Variants in CHD5 observed in about 807,000 individuals in gnomAD.
CHD5 encodes ATP-dependent chromatin remodeler CHD5.
CHD5 carries 69 observed loss-of-function variants against 230.3 expected under a neutral mutation model. The ratio of observed to expected loss-of-function variants is 0.30; its 90% CI spans 0.25 to 0.37. The LOEUF (loss-of-function observed/expected upper bound fraction) is 0.37. CHD5 is among the 10% of genes least tolerant of loss of function. The pLI is 1.00. For synonymous variants in CHD5, 1,064 were observed against 1,065.9 expected (o/e 1.00, Z 0.03); for missense variants, 1,827 against 2,622.8 (o/e 0.70, Z 6.63).
chr1:6,149,146 C>T, intron 8 of CHD5, 71 bp from the exon 9 acceptor site: 1 of 1,468,142 alleles, frequency 6.8e-7, no homozygotes, highest in Non-Finnish European at 9.1e-7. Flanking sequence ...TCCCTCCCTC[C>T]CCTACAGCAT....
rs112121125 is a variant in CHD5 at position 6,104,078 on chromosome 1, C to G, written c.*1396G>C. On this transcript the variant is annotated 3_prime_UTR_variant, in exon 42 of 42. Transcript: ENST00000262450. ...AAGGTCCCAGTACAAGACTCAGAAACGCCTTCCAGGTCGACCTGGGGCCAG... is the reference window on the plus strand; with the variant it reads ...AAGGTCCCAGTACAAGACTCAGAAAGGCCTTCCAGGTCGACCTGGGGCCAG... 6 of 152,154 alleles carry G rather than the reference C, an allele frequency of 3.9e-5. No individual in the cohort carries two copies. The highest frequency in any genetic ancestry group is 1.4e-4 in the African/African-American group (6 of 41,398). 9.4% of individuals were successfully genotyped at this position (152,154 alleles called of 1,614,324 possible).
Position 6,148,997 on chromosome 1 carries a change from C to G in CHD5, c.1240G>C (p.Asp414His), listed in dbSNP as rs751499625. 3 of 1,607,898 alleles carry G rather than the reference C, an allele frequency of 1.9e-6. No homozygotes were observed. In the South Asian group the frequency reaches 3.3e-5, roughly 18 times the overall value. The stretch of plus-strand genomic sequence containing the variant: ...CACACGCGGCAGAACTCCATGTGGT[C>G]GTCCTCCTCCTCCTCGCAGCCGCCC... ...EEGGCEEEED[D>H]HMEFCRVCKD... The change falls in exon 9 of 42, where the codon GAC (aspartate) becomes CAC (histidine). Residue 414 changes from aspartate to histidine, a missense_variant. Physicochemically the swap from Asp to His is moderately conservative, Grantham distance 81 (BLOSUM62 -1). This residue lies in a region of CHD5 where 657 missense variants were observed against 816.4 expected (regional missense o/e 0.80). Coordinates refer to ENST00000262450, the MANE Select transcript of CHD5 (RefSeq NM_015557.3).
intron 1 of CHD5, among the ~76,000 whole-genome samples, chr1:6,179,368 G>C (rs897004855): frequency 1.3e-5 from 2 of 152,266 alleles, no homozygotes; most frequent in South Asian, 4.1e-4. Context: ...GCAGGGGTCC[G>C]AGCCCGTGCG....
intron 34 of CHD5, among the ~76,000 whole-genome samples, chr1:6,112,649 T>TC (rs1327721628): frequency 1.3e-5 from 2 of 151,868 alleles, no homozygotes; most frequent in African/African-American, 4.8e-5. Context: ...GAGCCCCAAA[T>TC]CCCCCAGGCC....
At chr1:6,166,673 G>A (rs1465514981) in intron 2 of CHD5, among the ~76,000 whole-genome samples, 1 of 151,886 alleles carries the variant, frequency 6.6e-6, no homozygotes, top group Non-Finnish European at 1.5e-5. Flanking sequence ...AGAGTTCAGA[G>A]CCCCCCAAAA....
chr1:6,120,852 G>A (rs1193236733), intron 33 of CHD5, among the ~76,000 whole-genome samples: 1 of 152,014 alleles, frequency 6.6e-6, no homozygotes, highest in Non-Finnish European at 1.5e-5. Flanking sequence ...GCAGTGATCC[G>A]AGATGGTACC....
intron 15 of CHD5, among the ~76,000 whole-genome samples, chr1:6,138,430 ACAG>A (rs1666778290): frequency 6.6e-6 from 1 of 151,314 alleles, no homozygotes; most frequent in African/African-American, 2.4e-5. Flanking sequence ...GACAGAGACC[ACAG>A]AAGAAAGGAA....
rs765202272 is a variant in CHD5 at position 6,142,318 on chromosome 1, T to C, written c.2246A>G (p.Lys749Arg). ...LYSLYKEGHS[K>R]GPYLVSAPLS... ...GGGCGCGCTAACCAGGTAGGGCCCTTTGGAGTGGCCCTGGAGAGAGAGGCC... is the reference window on the plus strand; with the variant it reads ...GGGCGCGCTAACCAGGTAGGGCCCTCTGGAGTGGCCCTGGAGAGAGAGGCC... Residue 749 changes from lysine to arginine, a missense_variant, in exon 15 of 42, where the codon AAA (lysine) becomes AGA (arginine). By Grantham distance (26) the Lys-to-Arg change is conservative (BLOSUM62 2). Around this residue, in one of 14 missense-constraint regions of CHD5, gnomAD observed 37 missense variants for 105.7 expected, o/e 0.35. Transcript: ENST00000262450. This position sits in a 1 kb window ranked among gnomAD's most constrained non-coding sequence, Gnocchi z 5.2. 5 of 1,607,898 alleles carry C rather than the reference T, an allele frequency of 3.1e-6. No homozygotes were observed. Among genetic ancestry groups the C allele is most frequent in the South Asian group, 1.1e-5 (1 of 90,994 alleles).
intron 1 of CHD5, among the ~76,000 whole-genome samples, chr1:6,176,540 C>A (rs1281206552): frequency 6.6e-6 from 1 of 152,222 alleles, no homozygotes; most frequent in African/African-American, 2.4e-5. Flanking sequence ...CCTCCTCCCA[C>A]CCAGGCTCCT....
chr1:6,174,771 ATGGATAGATGG>A (rs2100888688), intron 1 of CHD5, among the ~76,000 whole-genome samples: 1 of 151,270 alleles, frequency 6.6e-6, no homozygotes, highest in East Asian at 2.0e-4. Flanking sequence ...TGATGAATTG[ATGGATAGATGG>A]TGGGTGGATG....
At position 6,149,709 on chromosome 1, in the gene CHD5, A is replaced by G. The variant is rs557476693; in HGVS notation, c.995-297T>C. Among the ~76,000 whole-genome samples, 634 of 150,778 alleles carry G rather than the reference A, an allele frequency of 4.2e-3. 3 individuals are homozygous for G. Among genetic ancestry groups the G allele is most frequent in the Non-Finnish European group, 7.1e-3 (481 of 67,738 alleles). ...GGATGGATAGATGAATGGATGGACA[A>G]ATGGATGGATGGATGGATGATGAAT... On this transcript the variant is annotated intron_variant, in intron 7 of 41. Transcript: ENST00000262450.
At position 6,125,158 on chromosome 1, in the gene CHD5, C is replaced by A. The variant is rs143075819; in HGVS notation, c.4336G>T (p.Ala1446Ser). 1.7e-5 allele frequency: 27 copies of A among 1,605,984 alleles called. No individual in the cohort carries two copies. The African/African-American group carries it at 2.9e-4, about 17-fold the overall frequency. Residue 1446 changes from alanine (A) to serine (S), a missense_variant, in exon 29 of 42, where the codon GCC (alanine) becomes TCC (serine). This residue lies in a region of CHD5 where 108 missense variants were observed against 152.4 expected (regional missense o/e 0.71). Transcript: ENST00000262450. The surrounding 1 kb of genome is among the most constrained non-coding windows in gnomAD (Gnocchi z 6.7). ...IMRWGMPPQD[A>S]FNSHWLVRDL... Reference sequence around the variant, plus strand: ...CGCACCAGCCAGTGGGAGTTGAAGGCGTCCTGCGGGGGCATGCCCCAGCGC... The same window carrying A: ...CGCACCAGCCAGTGGGAGTTGAAGGAGTCCTGCGGGGGCATGCCCCAGCGC...
chr1:6,127,963 C>T, intron 25 of CHD5, 83 bp downstream of exon 25: 2 of 1,193,442 alleles, frequency 1.7e-6, no homozygotes, highest in East Asian at 2.7e-5. Context: ...GGCGGGGTCA[C>T]AGTGGAAGGC....
At chr1:6,174,654 T>C (rs1037266529) in intron 1 of CHD5, among the ~76,000 whole-genome samples, 1 of 150,486 alleles carries the variant, frequency 6.6e-6, no homozygotes, top group Non-Finnish European at 1.5e-5. Context: ...GGATGATGAA[T>C]TGATGGATAG....
At chr1:6,122,523 G>A (rs559755551) in intron 31 of CHD5, among the ~76,000 whole-genome samples, 3 of 152,222 alleles carry the variant, frequency 2.0e-5, no homozygotes, top group South Asian at 2.1e-4. Flanking sequence ...TGGGACTCCC[G>A]CACAATACTA....
At chr1:6,145,649 G>T (rs1287348514) in intron 11 of CHD5, among the ~76,000 whole-genome samples, 1 of 152,214 alleles carries the variant, frequency 6.6e-6, no homozygotes, top group Admixed American at 6.5e-5. Context: ...AAGAGCTGCT[G>T]CTGGGGCACT....
chr1:6,106,736 G>C lies in CHD5; in HGVS notation c.5622C>G (p.Asp1874Glu). 2 of 1,611,892 alleles carry C rather than the reference G, an allele frequency of 1.2e-6. No individual in the cohort carries two copies. Among genetic ancestry groups the C allele is most frequent in the Non-Finnish European group, 1.7e-6 (2 of 1,179,728 alleles). Residue 1874 changes from aspartate to glutamate, a missense_variant, in exon 39 of 42, where the codon GAC becomes GAG. By Grantham distance (45) the Asp-to-Glu change is conservative (BLOSUM62 2). Transcript: ENST00000262450. ...LEELLSDMKA[D>E]VTRLPSMLSR... ...ACAGCATGGATGGCAGCCGGGTCAC[G>C]TCGGCCTTCATGTCGCTCAGCAGCT...
Position 6,134,286 on chromosome 1 carries a change from T to C in CHD5, c.3013-27A>G. On this transcript the variant is annotated intron_variant, in intron 19 of 41. Transcript: ENST00000262450. The surrounding 1 kb of genome is among the most constrained non-coding windows in gnomAD (Gnocchi z 6.3). ...TGCAGACACAGCAGGAGGTGGGGCATTGGTGGGCTCCCCTCTCCTCTCTGA... is the reference window on the plus strand; with the variant it reads ...TGCAGACACAGCAGGAGGTGGGGCACTGGTGGGCTCCCCTCTCCTCTCTGA... The C allele has an allele frequency of 1.9e-6, 3 of 1,609,184 alleles. No homozygotes were observed. The highest frequency in any genetic ancestry group is 2.5e-6 in the Non-Finnish European group (3 of 1,179,552).
chr1:6,125,547 C>T lies in CHD5; in HGVS notation c.4237G>A (p.Ala1413Thr). The part of the protein sequence containing the change: ...DRDKPLPPLL[A>T]RVGGNIEVLG... ...ACCTCGATGTTGCCACCAACTCGGG[C>T]GAGAAGCGGGGGCAGGGGCTTGTCC... The change falls in exon 28 of 42, where the codon GCC (alanine) becomes ACC (threonine). Residue 1413 changes from alanine to threonine, a missense_variant. Coordinates refer to ENST00000262450, the MANE Select transcript of CHD5 (RefSeq NM_015557.3). This position sits in a 1 kb window ranked among gnomAD's most constrained non-coding sequence, Gnocchi z 6.7. 6.3e-7 allele frequency: 1 copy of T among 1,596,172 alleles called. No individual in the cohort carries two copies. The highest frequency in any genetic ancestry group is 8.5e-7 in the Non-Finnish European group (1 of 1,170,412).
Sources: gnomAD v4.1 joint callset for allele counts (sites outside exome capture counted in the v4.1 genomes callset) on GRCh38, gnomAD v4.1.1 for gene constraint, gnomAD v4.1.1 regional missense constraint, Gnocchi (gnomAD v3.1) non-coding constraint, MANE v1.5 for transcripts, NCBI Gene and HGNC (gene_info 2026-07-23, HGNC 2026-07-21) for gene names.